The following LAMA2 variants were observed in gnomAD, a reference collection of about 807,000 sequenced individuals.
LAMA2 encodes laminin subunit alpha 2, also known as laminin subunit alpha-2.
In LAMA2, 269 loss-of-function variants were observed where a neutral mutation model predicts 364.8. The observed-to-expected ratio is 0.74, with a 90% CI of 0.67 to 0.82. LAMA2 has a LOEUF of 0.82. Ranked by LOEUF, LAMA2 falls within the 40% of genes least tolerant of loss-of-function variation. The probability of loss-of-function intolerance (pLI) is 0.00; values close to 1 mark genes in which losing one functional copy is unlikely to be tolerated. For synonymous variants in LAMA2, 1,379 were observed against 1,370.6 expected, an observed-to-expected ratio of 1.01 and a Z score of -0.14; for missense variants, 3,807 against 3,873.2, an observed-to-expected ratio of 0.98 and a Z score of 0.45.
At chr6:129,173,677 A>G (rs1780373362) in intron 9 of LAMA2, among the ~76,000 whole-genome samples, 1 of 152,188 alleles carries the variant, frequency 6.6e-6, no homozygotes, top group African/African-American at 2.4e-5. Context: ...GCAAAATTGG[A>G]CACATATTTG....
At position 129,287,873 on chromosome 6, in the gene LAMA2, C is replaced by A. The variant is rs754714449; in HGVS notation, c.2564C>A (p.Pro855His). 6.2e-7 allele frequency: 1 copy of A among 1,613,870 alleles called. No individual in the cohort carries two copies. Among genetic ancestry groups the A allele is most frequent in the South Asian group, 1.1e-5 (1 of 91,064 alleles). The change falls in exon 19 of 65, where the codon CCC (proline) becomes CAC (histidine). Residue 855 changes from proline (P) to histidine (H), a missense_variant. Physicochemically the swap from Pro to His is moderately conservative, Grantham distance 77 (BLOSUM62 -2). This residue lies in a region of LAMA2 where 3,333 missense variants were observed against 3,345.7 expected (regional missense o/e 1.00). Transcript: ENST00000421865. Reference protein sequence around the residue: ...ERCAEGYFGQPSVPGGSCQPC... With the variant: ...ERCAEGYFGQHSVPGGSCQPC... The stretch of plus-strand genomic sequence containing the variant: ...TGTGCAGAAGGCTATTTTGGACAAC[C>A]CTCTGTACCTGGAGGATCATGTCAG...
Position 129,288,015 on chromosome 6 carries a change from T to C in LAMA2, c.2706T>C (p.Ala902=), listed in dbSNP as rs1296276921. 6 of 1,614,128 alleles carry C rather than the reference T, an allele frequency of 3.7e-6. No homozygotes were observed. The highest frequency in any genetic ancestry group is 4.2e-6 in the Non-Finnish European group (5 of 1,179,956). Residue 902 remains alanine, a synonymous_variant, in exon 19 of 65, where the codon GCT becomes GCC. Transcript: ENST00000421865. ...GTTGRYCELC[A]DGYFGDAVDA... is the part of the protein sequence containing the mutation. ...CAGGCCGGTACTGTGAGCTCTGTGC[T>C]GATGGATATTTTGGAGATGCAGTTG...
intron 12 of LAMA2, among the ~76,000 whole-genome samples, chr6:129,246,009 A>C (rs1785725906): frequency 6.6e-6 from 1 of 152,232 alleles, no homozygotes; most frequent in Non-Finnish European, 1.5e-5. Flanking sequence ...TCTATTTCTT[A>C]AGTAGTTAGT....
At chr6:129,131,565 G>A (rs1354926159) in intron 4 of LAMA2, among the ~76,000 whole-genome samples, 6 of 152,192 alleles carry the variant, frequency 3.9e-5, no homozygotes, top group African/African-American at 1.2e-4. Context: ...TCTTCTGGTT[G>A]TGTGGGAGGA....
chr6:128,884,573 A>G (rs534923757), intron 1 of LAMA2, among the ~76,000 whole-genome samples: 8 of 152,160 alleles, frequency 5.3e-5, no homozygotes, highest in Admixed American at 2.0e-4. Flanking sequence ...TATAATAATA[A>G]CTCCCTGATT....
chr6:128,973,456 T>G (rs1203170905), intron 1 of LAMA2, among the ~76,000 whole-genome samples: 1 of 152,220 alleles, frequency 6.6e-6, no homozygotes, highest in African/African-American at 2.4e-5. Context: ...TTAAAATGTA[T>G]TATTTTGTGC....
intron 3 of LAMA2, among the ~76,000 whole-genome samples, chr6:129,086,280 T>C (rs1244940184): frequency 2.0e-5 from 3 of 152,222 alleles, no homozygotes; most frequent in Non-Finnish European, 2.9e-5. Context: ...CAGAGGTACC[T>C]GAAACCATCT....
At chr6:129,018,673 C>T (rs906067241) in intron 1 of LAMA2, among the ~76,000 whole-genome samples, 1 of 151,988 alleles carries the variant, frequency 6.6e-6, no homozygotes, top group Non-Finnish European at 1.5e-5. Flanking sequence ...TATATCTCAA[C>T]TTGTCAATTT....
chr6:129,288,213 A>G (rs553591951), intron 19 of LAMA2, among the ~76,000 whole-genome samples, 155 bp downstream of exon 19: 7 of 152,288 alleles, frequency 4.6e-5, no homozygotes, highest in African/African-American at 1.7e-4. Context: ...ATTCCAGAAC[A>G]TTTCCTTGTA....
intron 1 of LAMA2, among the ~76,000 whole-genome samples, chr6:129,027,329 G>A (rs1460045866): frequency 1.3e-5 from 2 of 152,014 alleles, no homozygotes; most frequent in African/African-American, 4.8e-5. Context: ...TTGTCCATTT[G>A]CACATATTTT....
rs534553124 is a variant in LAMA2, at chr6:129,096,504, T to A, written c.397-1669T>A. 1.8e-3 allele frequency among the ~76,000 whole-genome samples: 270 copies of A among 152,334 alleles called. 1 individual carries two copies. The highest frequency in any genetic ancestry group is 6.8e-3 in the Middle Eastern group (2 of 294). On this transcript the variant is annotated intron_variant, in intron 3 of 64. Transcript: ENST00000421865. ...TTACAGGCACATACATAGATATGTG[T>A]GTCTATCTGCAGTTATACCTATCTA... is the stretch of plus-strand genomic sequence containing the variant.
At chr6:128,929,468 C>T in intron 1 of LAMA2, 1 of 836,660 alleles carries the variant, frequency 1.2e-6, no homozygotes, top group Non-Finnish European at 2.1e-6. Context: ...AAAGATACCT[C>T]CATTTGACAG....
chr6:129,050,823 G>T (rs62422166), intron 2 of LAMA2, among the ~76,000 whole-genome samples: 13,811 of 152,184 alleles, frequency 0.091, 736 homozygotes, highest in East Asian at 0.16. Context: ...AACAACCACA[G>T]GAGAAGTGAT....
At chr6:128,892,463 C>A (rs535010116) in intron 1 of LAMA2, among the ~76,000 whole-genome samples, 25 of 152,038 alleles carry the variant, frequency 1.6e-4, no homozygotes, top group Admixed American at 1.6e-3. Context: ...TGTTGATAAA[C>A]TATTTTTTAA....
intron 12 of LAMA2, 149 bp from the exon 13 acceptor site, chr6:129,249,963 C>T (rs1786053361): frequency 1.5e-6 from 1 of 677,870 alleles, no homozygotes; most frequent in Non-Finnish European, 2.7e-6. Context: ...TAAATAAATG[C>T]CTATCATTCC....
chr6:129,168,465 A>T (rs933959999), intron 9 of LAMA2, among the ~76,000 whole-genome samples: 1 of 152,208 alleles, frequency 6.6e-6, no homozygotes, highest in Non-Finnish European at 1.5e-5. Context: ...GTCAAAGATC[A>T]GGTAGTTGTA....
chr6:129,475,808 CT>C (rs1784041790), intron 53 of LAMA2, among the ~76,000 whole-genome samples: 1 of 152,144 alleles, frequency 6.6e-6, no homozygotes, highest in African/African-American at 2.4e-5. Flanking sequence ...TAGTGCCATG[CT>C]GTCTGCTGAA....
chr6:129,307,082 A>G (rs1773923229), intron 22 of LAMA2, among the ~76,000 whole-genome samples: 1 of 152,166 alleles, frequency 6.6e-6, no homozygotes, highest in South Asian at 2.1e-4. Context: ...AGAATGTTGA[A>G]CTTTATGCTG....
At chr6:129,141,280 C>G (rs1372288509) in intron 4 of LAMA2, among the ~76,000 whole-genome samples, 1 of 151,956 alleles carries the variant, frequency 6.6e-6, no homozygotes, top group African/African-American at 2.4e-5. Context: ...TAACTCTAAC[C>G]TCCTTAAGCC....
Sources: allele counts gnomAD v4.1 joint callset (sites outside exome capture counted in the v4.1 genomes callset), GRCh38; gene constraint gnomAD v4.1.1; regional missense constraint gnomAD v4.1.1; transcripts MANE v1.5; gene names NCBI Gene and HGNC (gene_info 2026-07-23, HGNC 2026-07-21).